The following RERG variants were observed in gnomAD, a reference collection of about 807,000 sequenced individuals.
RERG encodes RAS like estrogen regulated growth inhibitor.
RERG carries 25 observed loss-of-function variants against 23.2 expected under a neutral mutation model. That is an observed-to-expected ratio of 1.08 (90% CI 0.79 to 1.50). RERG has a LOEUF of 1.50. RERG is among the 40% of genes most tolerant of loss of function. RERG has a pLI of 0.00. For missense variants in RERG, 253 were observed against 250.1 expected (o/e 1.01, Z -0.08); for synonymous variants, 81 against 89.1 (o/e 0.91, Z 0.51).
At chr12:15,142,023 A>G (rs1227830375) in intron 2 of RERG, among the ~76,000 whole-genome samples, 1 of 152,166 alleles carries the variant, frequency 6.6e-6, no homozygotes, top group Non-Finnish European at 1.5e-5. Context: ...TATTAGTTTT[A>G]TTTGGTTTGT....
intron 2 of RERG, among the ~76,000 whole-genome samples, chr12:15,130,299 C>G (rs887914995): frequency 1.3e-5 from 2 of 152,058 alleles, no homozygotes; most frequent in African/African-American, 4.8e-5. Context: ...TTAACATGGT[C>G]CAGGTAGATA....
chr12:15,209,345 G>A (rs1287826221), intron 2 of RERG, among the ~76,000 whole-genome samples: 2 of 152,066 alleles, frequency 1.3e-5, no homozygotes, highest in Non-Finnish European at 1.5e-5. Context: ...TCCATCATTG[G>A]GCAGATGAAT....
intron 3 of RERG, among the ~76,000 whole-genome samples, chr12:15,113,009 T>G (rs578243935): frequency 1.5e-3 from 225 of 152,346 alleles, no homozygotes; most frequent in Non-Finnish European, 2.5e-3. Context: ...CAAAAAGATA[T>G]GACTCAGACT....
rs137928898 is a variant in RERG, at chr12:15,149,160, C to T, written c.62-28041G>A. 8.6e-3 allele frequency among the ~76,000 whole-genome samples: 1,302 copies of T among 151,852 alleles called. 14 individuals carry two copies. Among genetic ancestry groups the T allele is most frequent in the African/African-American group, 0.03 (1,226 of 41,418 alleles). On this transcript the variant is annotated intron_variant, in intron 2 of 4. Coordinates refer to ENST00000256953, the MANE Select transcript of RERG (RefSeq NM_032918.3). The stretch of plus-strand genomic sequence containing the variant: ...CTGGGATTACAGGCGTGAGCCACCG[C>T]GCCCAGCCTGCAGTCCTTTAACTCT...
At chr12:15,148,987 G>GCCTC (rs1864389701) in intron 2 of RERG, among the ~76,000 whole-genome samples, 1 of 147,386 alleles carries the variant, frequency 6.8e-6, no homozygotes, top group African/African-American at 2.5e-5. Context: ...TCCTGCCTCA[G>GCCTC]CCTCCCGAGT....
rs74068892 is a variant in RERG at position 15,120,745 on chromosome 12, T to C, written c.118+318A>G. ...ATTCTATTACGCACCAAATTTTCCA[T>C]GTCCGTTTTATCCTCTCTCTCCCAT... is the stretch of plus-strand genomic sequence containing the variant. On this transcript the variant is annotated intron_variant, in intron 3 of 4. Transcript: ENST00000256953. Among the ~76,000 whole-genome samples, 1,027 of 152,344 alleles carry C rather than the reference T, an allele frequency of 6.7e-3. 8 individuals are homozygous for C. Among genetic ancestry groups the C allele is most frequent in the African/African-American group, 0.023 (958 of 41,590 alleles).
At chr12:15,173,151 C>A (rs1429147392) in intron 2 of RERG, among the ~76,000 whole-genome samples, 1 of 151,952 alleles carries the variant, frequency 6.6e-6, no homozygotes, top group African/African-American at 2.4e-5. Flanking sequence ...TTAAATTTTG[C>A]AGATAGTGTG....
At chr12:15,129,840 C>T (rs530045184) in intron 2 of RERG, among the ~76,000 whole-genome samples, 1 of 152,100 alleles carries the variant, frequency 6.6e-6, no homozygotes, top group Non-Finnish European at 1.5e-5. Context: ...AGTTTTTGAG[C>T]ATACAGGGGT....
chr12:15,168,421 T>C (rs1384465223), intron 2 of RERG, among the ~76,000 whole-genome samples: 1 of 152,140 alleles, frequency 6.6e-6, no homozygotes, highest in Non-Finnish European at 1.5e-5. Context: ...GGTTTTTCAG[T>C]TTTGAAATGG....
chr12:15,171,373 CA>C (rs995683400), intron 2 of RERG, among the ~76,000 whole-genome samples: 2 of 152,114 alleles, frequency 1.3e-5, no homozygotes, highest in Non-Finnish European at 2.9e-5. Flanking sequence ...TTAATTAACA[CA>C]AGGTGAGTTC....
At chr12:15,168,077 T>G (rs1463945878) in intron 2 of RERG, among the ~76,000 whole-genome samples, 1 of 152,212 alleles carries the variant, frequency 6.6e-6, no homozygotes, top group Non-Finnish European at 1.5e-5. Flanking sequence ...GACACTCAAA[T>G]GTCCAAGGCT....
chr12:15,182,902 T>C (rs1269008915), intron 2 of RERG, among the ~76,000 whole-genome samples: 1 of 152,024 alleles, frequency 6.6e-6, no homozygotes, highest in Non-Finnish European at 1.5e-5. Flanking sequence ...TAGGGAGACC[T>C]TGTTTCTACA....
chr12:15,173,191 T>A (rs1281296502), intron 2 of RERG, among the ~76,000 whole-genome samples: 1 of 152,038 alleles, frequency 6.6e-6, no homozygotes, highest in African/African-American at 2.4e-5. Context: ...TTCTTTTGCA[T>A]TCAGTTATCC....
chr12:15,109,348 T>A lies in RERG; in HGVS notation c.362A>T (p.Asp121Val), dbSNP rs1420296927. 1.2e-6 allele frequency: 2 copies of A among 1,614,100 alleles called. No individual in the cohort carries two copies. The highest frequency in any genetic ancestry group is 1.1e-5 in the South Asian group (1 of 91,068). The change falls in exon 5 of 5, where the codon GAC becomes GTC. Residue 121 changes from aspartate to valine, a missense_variant. Coordinates refer to ENST00000256953, the MANE Select transcript of RERG (RefSeq NM_032918.3). Reference sequence around the variant, plus strand: ...GCTAACCTGCCTGGAGTGGTCCAAGTCAGCTTTGTTTCCAACCAAGATGAG... The same window carrying A: ...GCTAACCTGCCTGGAGTGGTCCAAGACAGCTTTGTTTCCAACCAAGATGAG... ...VTLILVGNKA[D>V]LDHSRQVSTE...
intron 2 of RERG, among the ~76,000 whole-genome samples, chr12:15,190,799 T>A (rs1865059941): frequency 6.6e-6 from 1 of 152,140 alleles, no homozygotes; most frequent in South Asian, 2.1e-4. Flanking sequence ...AACAGAACCC[T>A]TTATCATCCC....
chr12:15,134,683 T>G (rs777640328), intron 2 of RERG, among the ~76,000 whole-genome samples: 8 of 152,040 alleles, frequency 5.3e-5, no homozygotes, highest in Non-Finnish European at 8.8e-5. Context: ...GGTGTGATCT[T>G]GACTCATTGC....
intron 2 of RERG, among the ~76,000 whole-genome samples, chr12:15,211,629 T>G (rs532641793): frequency 3.3e-5 from 5 of 152,182 alleles, no homozygotes; most frequent in African/African-American, 1.2e-4. Context: ...ATGGTGACTA[T>G]AGTTCACAAT....
intron 2 of RERG, among the ~76,000 whole-genome samples, chr12:15,147,851 C>T (rs1288169133): frequency 6.6e-6 from 1 of 152,162 alleles, no homozygotes; most frequent in Non-Finnish European, 1.5e-5. Flanking sequence ...TTGGACAGCA[C>T]ATCTGTGAGT....
At chr12:15,194,599 T>C (rs7305816) in intron 2 of RERG, among the ~76,000 whole-genome samples, 4 of 152,162 alleles carry the variant, frequency 2.6e-5, no homozygotes, top group African/African-American at 9.6e-5. Flanking sequence ...ATACACTGTA[T>C]ATAGAGCCTT....
Sources: allele counts gnomAD v4.1 joint callset (sites outside exome capture counted in the v4.1 genomes callset), GRCh38; gene constraint gnomAD v4.1.1; transcripts MANE v1.5; gene names NCBI Gene and HGNC (gene_info 2026-07-23, HGNC 2026-07-21).